The following AKAP19 variants were observed in gnomAD, a reference collection of about 807,000 sequenced individuals.
The protein encoded by AKAP19 is small A-kinase anchoring protein.
At chr2:190,015,607 T>C in the AKAP19 span, among the ~76,000 whole-genome samples, 1 of 152,262 alleles carries the variant, frequency 6.6e-6, no homozygotes, top group Non-Finnish European at 1.5e-5. Flanking sequence ...TCATTACTCA[T>C]GCAAATTTCT....
the AKAP19 span, among the ~76,000 whole-genome samples, chr2:189,910,518 A>G: frequency 6.6e-6 from 1 of 151,990 alleles, no homozygotes; most frequent in Non-Finnish European, 1.5e-5. Flanking sequence ...AATCAATTGT[A>G]GTATCATAAG....
the AKAP19 span, chr2:190,201,059 T>A: frequency 1.2e-5 from 2 of 166,804 alleles, no homozygotes; most frequent in African/African-American, 4.8e-5. Context: ...ATAGACCAGA[T>A]AATGCATGAA....
chr2:189,980,375 G>A, the AKAP19 span, among the ~76,000 whole-genome samples: 1 of 152,180 alleles, frequency 6.6e-6, no homozygotes, highest in African/African-American at 2.4e-5. Flanking sequence ...GTCTCACTCT[G>A]TTGCCCAGGC....
chr2:190,165,672 C>G, the AKAP19 span, among the ~76,000 whole-genome samples: 2 of 151,982 alleles, frequency 1.3e-5, no homozygotes, highest in African/African-American at 2.4e-5. Context: ...ATGGGAAGGT[C>G]CAACATATGT....
the AKAP19 span, among the ~76,000 whole-genome samples, chr2:189,999,466 T>C: frequency 6.6e-6 from 1 of 152,176 alleles, no homozygotes; most frequent in Non-Finnish European, 1.5e-5. Context: ...AAAGATATAT[T>C]TGGAATCTTT....
the AKAP19 span, among the ~76,000 whole-genome samples, chr2:190,172,601 G>T: frequency 0.62 from 93,773 of 152,004 alleles, 30,238 homozygotes; most frequent in East Asian, 0.82. Context: ...TAGATAGGAG[G>T]TTTGCTGCCC....
chr2:190,143,736 G>T, the AKAP19 span, among the ~76,000 whole-genome samples: 14 of 151,342 alleles, frequency 9.3e-5, no homozygotes, highest in Admixed American at 9.2e-4. Context: ...GTTTATTGCG[G>T]CATTATTCAC....
chr2:189,987,271 C>T, the AKAP19 span, among the ~76,000 whole-genome samples: 5,221 of 152,204 alleles, frequency 0.034, 286 homozygotes, highest in African/African-American at 0.11. Context: ...CTCTTGCTGC[C>T]GCCATGTAAA....
At chr2:190,103,285 C>T in the AKAP19 span, among the ~76,000 whole-genome samples, 1 of 152,146 alleles carries the variant, frequency 6.6e-6, no homozygotes, top group Non-Finnish European at 1.5e-5. Flanking sequence ...TGGAACAAGA[C>T]AAGGATGCCT....
chr2:190,104,858 C>T, the AKAP19 span, among the ~76,000 whole-genome samples: 1 of 152,084 alleles, frequency 6.6e-6, no homozygotes, highest in Non-Finnish European at 1.5e-5. Flanking sequence ...CAAAAGAAGA[C>T]AAACAAGTGG....
At chr2:189,923,568 A>G in the AKAP19 span, 22 of 1,613,946 alleles carry the variant, frequency 1.4e-5, no homozygotes, top group Non-Finnish European at 1.9e-5. Context: ...ATTGCTGGCC[A>G]GGTTTTAGAT....
the AKAP19 span, among the ~76,000 whole-genome samples, chr2:189,941,347 C>A: frequency 6.6e-6 from 1 of 152,058 alleles, no homozygotes; most frequent in Non-Finnish European, 1.5e-5. Context: ...GGTGTGAGAT[C>A]CACTCGTAAC....
chr2:190,114,580 C>T, the AKAP19 span, among the ~76,000 whole-genome samples: 4 of 152,238 alleles, frequency 2.6e-5, no homozygotes, highest in South Asian at 8.3e-4. Context: ...CTCAGCCTTC[C>T]GAGTAGCTGG....
At chr2:190,191,422 G>A in the AKAP19 span, among the ~76,000 whole-genome samples, 1 of 152,176 alleles carries the variant, frequency 6.6e-6, no homozygotes, top group Non-Finnish European at 1.5e-5. Flanking sequence ...TGGGATTACA[G>A]GCATGCGCCA....
At chr2:190,119,649 A>G in the AKAP19 span, among the ~76,000 whole-genome samples, 24 of 152,356 alleles carry the variant, frequency 1.6e-4, no homozygotes, top group Non-Finnish European at 2.6e-4. Flanking sequence ...TTCATGCTAG[A>G]CAAGAGCTGC....
At chr2:189,996,845 G>A in the AKAP19 span, among the ~76,000 whole-genome samples, 1 of 152,176 alleles carries the variant, frequency 6.6e-6, no homozygotes, top group Admixed American at 6.5e-5. Flanking sequence ...GAGCTGGACT[G>A]CACTGTTTGT....
chr2:190,113,933 C>T, the AKAP19 span, among the ~76,000 whole-genome samples: 2 of 152,158 alleles, frequency 1.3e-5, no homozygotes, highest in Admixed American at 6.5e-5. Flanking sequence ...TAAGACACTG[C>T]TTTCTTCCTG....
At chr2:190,067,488 T>TAAAACATTGTTTATTTA in the AKAP19 span, among the ~76,000 whole-genome samples, 1,363 of 152,308 alleles carry the variant, frequency 8.9e-3, 28 homozygotes, top group African/African-American at 0.031. Flanking sequence ...ATGGTAATTT[T>TAAAACATTGTTTATTTA]AAAACATTGT....
chr2:190,032,908 T>A, the AKAP19 span, among the ~76,000 whole-genome samples: 1 of 152,146 alleles, frequency 6.6e-6, no homozygotes, highest in African/African-American at 2.4e-5. Context: ...TAATTAAATA[T>A]TACTGATTTT....
Sources: allele counts gnomAD v4.1 joint callset (sites outside exome capture counted in the v4.1 genomes callset), GRCh38; gene constraint gnomAD v4.1.1; transcripts MANE v1.5; gene names NCBI Gene and HGNC (gene_info 2026-07-23, HGNC 2026-07-21).